Variants in NUMA1 observed in about 807,000 individuals in gnomAD.
The protein encoded by NUMA1 is SP-H antigen.
NUMA1 carries 62 observed loss-of-function variants against 237.1 expected under a neutral mutation model. That is an observed-to-expected ratio of 0.26 (90% CI 0.21 to 0.32). The LOEUF is 0.32. Ranked by LOEUF, NUMA1 falls within the 10% of genes least tolerant of loss-of-function variation. NUMA1 has a pLI of 1.00. For missense variants in NUMA1, 2,533 were observed against 2,666.5 expected (o/e 0.95, Z 1.10); for synonymous variants, 1,028 against 1,066.1 (o/e 0.96, Z 0.70).
intron 3 of NUMA1, among the ~76,000 whole-genome samples, chr11:72,030,057 A>C (rs940846680): frequency 4.6e-5 from 7 of 152,208 alleles, no homozygotes; most frequent in African/African-American, 1.7e-4. Flanking sequence ...GGAGGGAGCC[A>C]AGCGCGGTGG....
chr11:72,035,401 C>T (rs7123992), intron 3 of NUMA1, among the ~76,000 whole-genome samples: 118,129 of 148,974 alleles, frequency 0.79, 49,435 homozygotes, highest in Non-Finnish European at 0.94. Context: ...CATTTACCAC[C>T]CCCCCTTTTT....
chr11:72,005,667 G>C, intron 22 of NUMA1: 3 of 502,036 alleles, frequency 6.0e-6, no homozygotes, highest in Non-Finnish European at 1.0e-5. Flanking sequence ...TTAAGGACCG[G>C]GAATTAATTC....
At chr11:72,032,211 T>C (rs1940432641) in intron 3 of NUMA1, among the ~76,000 whole-genome samples, 1 of 152,180 alleles carries the variant, frequency 6.6e-6, no homozygotes, top group Non-Finnish European at 1.5e-5. Flanking sequence ...TTAAAATTTT[T>C]TTTAACGTGA....
chr11:72,020,252 C>T (rs1357310702), intron 8 of NUMA1: 2 of 152,282 alleles, frequency 1.3e-5, no homozygotes, highest in East Asian at 3.9e-4. Flanking sequence ...CCAATGCTGA[C>T]TTGCAAACCT....
chr11:72,010,893 T>G, intron 16 of NUMA1, 39 bp from the exon 17 acceptor site: 1 of 1,557,824 alleles, frequency 6.4e-7, no homozygotes, highest in Non-Finnish European at 8.9e-7. Flanking sequence ...TCAGGAGGAC[T>G]TCCCCTGGAT....
Position 72,005,254 on chromosome 11 carries a change from G to C in NUMA1, c.5808C>G (p.Thr1936=), listed in dbSNP as rs1376352841. Residue 1936 remains threonine (T), a synonymous_variant, in exon 23 of 27, where the codon ACC becomes ACG. Transcript: ENST00000393695. ...TCACCCTGGACTCCAGGGGATAGCA[G>C]GTCTTCAGATGTGGGGGGCACACTC... ...RNRVCPPHLK[T]CYPLESRPSL... The C allele has an allele frequency of 8.1e-6, 13 of 1,603,524 alleles. No homozygotes were observed. Among genetic ancestry groups the C allele is most frequent in the African/African-American group, 1.3e-5 (1 of 74,204 alleles).
At chr11:72,072,997 A>C (rs1486285193) in intron 1 of NUMA1, among the ~76,000 whole-genome samples, 3 of 141,206 alleles carry the variant, frequency 2.1e-5, no homozygotes, top group Admixed American at 7.7e-5. Flanking sequence ...CAGTGAGCCG[A>C]GATCGCGCCA....
In NUMA1 at chr11:72,004,647, G is replaced by A. The variant is rs368138406; in HGVS notation, c.5999C>T (p.Thr2000Ile). ...AGGAGCCACCGCGCCTACCTCAGGA[G>A]TTCCAGGGCCCTGGTGGGGCTCTAG... The part of the protein sequence containing the change: ...VSLEPHQGPG[T>I]PESKKATSCF... Residue 2000 changes from threonine to isoleucine, a missense_variant, in exon 24 of 27, where the codon ACT becomes ATT. This residue lies in a region of NUMA1 where 795 missense variants were observed against 750.8 expected (regional missense o/e 1.06). Coordinates refer to ENST00000393695, the MANE Select transcript of NUMA1 (RefSeq NM_006185.4). 335 of 1,612,444 alleles carry A rather than the reference G, an allele frequency of 2.1e-4. No individual in the cohort carries two copies. The highest frequency in any genetic ancestry group is 2.7e-4 in the Non-Finnish European group (321 of 1,179,900).
intron 2 of NUMA1, chr11:72,068,531 G>T (rs1430436005): frequency 6.6e-6 from 1 of 152,378 alleles, no homozygotes; most frequent in African/African-American, 2.4e-5. Flanking sequence ...TGAGGCAGGA[G>T]AATCGCTTGA....
At position 72,006,018 on chromosome 11, in the gene NUMA1, C is replaced by G. The variant is rs1002999983; in HGVS notation, c.5692+17G>C. On this transcript the variant is annotated intron_variant, in intron 22 of 26. Coordinates refer to ENST00000393695, the MANE Select transcript of NUMA1 (RefSeq NM_006185.4). ...AGTCTAATTTTGGGGTATAGTAAGT[C>G]CCTGTAGTCCCCTCACCTGGAGGGG... 6.3e-7 allele frequency: 1 copy of G among 1,588,776 alleles called. No individual in the cohort carries two copies. The highest frequency in any genetic ancestry group is 1.3e-5 in the African/African-American group (1 of 74,394).
chr11:72,015,494 T>C lies in NUMA1; in HGVS notation c.2009A>G (p.Gln670Arg), dbSNP rs531263331. ...CAACTCTAGCTCTGCAACCTGGGCC[T>C]GGGCCTCATGCTGTTCCTGGCGGGC... Reference protein sequence around the residue: ...ETARQEQHEAQAQVAELELQL... With the variant: ...ETARQEQHEARAQVAELELQL... The change falls in exon 15 of 27, where the codon CAG (glutamine) becomes CGG (arginine). Residue 670 changes from glutamine to arginine, a missense_variant. By Grantham distance (43) the Gln-to-Arg change is conservative. Coordinates refer to ENST00000393695, the MANE Select transcript of NUMA1 (RefSeq NM_006185.4). This position sits in a 1 kb window ranked among gnomAD's most constrained non-coding sequence, Gnocchi z 4.0. The C allele has an allele frequency of 1.4e-5, 23 of 1,613,152 alleles. No homozygotes were observed. The South Asian group carries it at 2.1e-4, about 15-fold the overall frequency.
rs926394895 is a variant in NUMA1, at chr11:72,018,880, T to G, written c.685A>C (p.Asn229His). 2 of 1,613,762 alleles carry G rather than the reference T, an allele frequency of 1.2e-6. No individual in the cohort carries two copies. The highest frequency in any genetic ancestry group is 1.7e-6 in the Non-Finnish European group (2 of 1,179,976). Residue 229 changes from asparagine (N) to histidine (H), a missense_variant, in exon 10 of 27, where the codon AAT (asparagine) becomes CAT (histidine). Around this residue, in one of 3 missense-constraint regions of NUMA1, gnomAD observed 1,414 missense variants for 1,508.1 expected, o/e 0.94. Transcript: ENST00000393695. ...AGCTCCAGCTCCAGCTCATCCCTAT[T>G]ACTTCTCTCATCAGCAAGCTGCTTC... ...LKKQLADERS[N>H]RDELELELAE...
rs557273978 is a variant in NUMA1 at position 72,008,865 on chromosome 11, G to C, written c.5059-20C>G. 1 of 1,613,946 alleles carries C rather than the reference G, an allele frequency of 6.2e-7. No individual in the cohort carries two copies. The highest frequency in any genetic ancestry group is 1.3e-5 in the African/African-American group (1 of 75,050). ...GGCAACCTGAGAAGGAGAGGGCCAG[G>C]GGGAGAGTGAAGAAAAGCCTAAGGC... On this transcript the variant is annotated intron_variant, in intron 19 of 26. Transcript: ENST00000393695.
intron 1 of NUMA1, among the ~76,000 whole-genome samples, chr11:72,075,073 T>TAAA (rs1943648522): frequency 6.9e-6 from 1 of 144,042 alleles, no homozygotes; most frequent in African/African-American, 2.8e-5. Context: ...AAAATAAAAA[T>TAAA]AATATACAAT....
At chr11:72,018,735 G>C in intron 10 of NUMA1, 88 bp downstream of exon 10, 2 of 1,467,082 alleles carry the variant, frequency 1.4e-6, no homozygotes, top group Non-Finnish European at 1.8e-6. Flanking sequence ...CTCAGCTCCA[G>C]GGGCCAGCAG....
Position 72,009,134 on chromosome 11 carries a change from G to C in NUMA1, c.4891C>G (p.Leu1631Val), listed in dbSNP as rs1955961277. 2 of 1,555,804 alleles carry C rather than the reference G, an allele frequency of 1.3e-6. No individual in the cohort carries two copies. The highest frequency in any genetic ancestry group is 1.7e-6 in the Non-Finnish European group (2 of 1,150,852). The change falls in exon 19 of 27, where the codon CTG becomes GTG. Residue 1631 changes from leucine (L) to valine (V), a missense_variant. Leu to Val is a conservative substitution (Grantham distance 32). Around this residue, in one of 3 missense-constraint regions of NUMA1, gnomAD observed 795 missense variants for 750.8 expected, o/e 1.06. Transcript: ENST00000393695. ...YDAKKQQNQE[L>V]QEQLRSLEQL... ...TCCAGGCTCCGCAGCTGCTCCTGCA[G>C]CTCTTGGTTCTGCTGCTTCTTGGCA...
At chr11:72,021,322 T>G (rs146011935) in intron 7 of NUMA1, 31 bp from the exon 8 acceptor site, 1 of 1,596,272 alleles carries the variant, frequency 6.3e-7, no homozygotes, top group African/African-American at 1.3e-5. Flanking sequence ...GAGCATCACT[T>G]AGGTGTTAGG....
At chr11:72,006,573 G>T (rs538541500) in intron 21 of NUMA1, among the ~76,000 whole-genome samples, 10 of 152,274 alleles carry the variant, frequency 6.6e-5, no homozygotes, top group African/African-American at 2.2e-4. Flanking sequence ...AAAGTGACTA[G>T]CCCCAAATCA....
In NUMA1 at chr11:72,067,925, T is replaced by C. The variant is rs191989427; in HGVS notation, c.-33+1917A>G. Reference sequence around the variant, plus strand: ...ACAGGGCACTACAATATAATCAGCTTAATTTGCATATATTCAAGATAACAG... The same window carrying C: ...ACAGGGCACTACAATATAATCAGCTCAATTTGCATATATTCAAGATAACAG... On this transcript the variant is annotated intron_variant, in intron 2 of 26. Transcript: ENST00000393695. The C allele has an allele frequency of 2.0e-5, 3 of 152,332 alleles. No homozygotes were observed. The East Asian group carries it at 5.8e-4, about 29-fold the overall frequency. The allele number at this position is 152,332 out of a possible 1,614,324, so 9.4% of individuals were successfully genotyped here. A position where few individuals can be genotyped will look rare whatever the true frequency, so the allele number is the denominator to read the frequency against.
Sources: gnomAD v4.1 joint callset for allele counts (sites outside exome capture counted in the v4.1 genomes callset) on GRCh38, gnomAD v4.1.1 for gene constraint, gnomAD v4.1.1 regional missense constraint, Gnocchi (gnomAD v3.1) non-coding constraint, MANE v1.5 for transcripts, NCBI Gene and HGNC (gene_info 2026-07-23, HGNC 2026-07-21) for gene names.